Variants in UBE2O observed in about 807,000 individuals in gnomAD.
UBE2O encodes (E3-independent) E2 ubiquitin-conjugating enzyme.
In UBE2O, 15 loss-of-function variants were observed where a neutral mutation model predicts 125.8. That is an observed-to-expected ratio of 0.12 (90% confidence interval 0.08 to 0.18). The LOEUF is 0.18. UBE2O is among the 10% of genes least tolerant of loss of function. The pLI is 1.00. For missense variants in UBE2O, 1,280 were observed against 1,723.6 expected (o/e 0.74, Z 4.56); for synonymous variants, 708 against 703.2 (o/e 1.01, Z -0.11).
chr17:76,447,876 T>C (rs1410652707), intron 1 of UBE2O, among the ~76,000 whole-genome samples: 1 of 152,200 alleles, frequency 6.6e-6, no homozygotes, highest in African/African-American at 2.4e-5. Flanking sequence ...GCTGGCTCTC[T>C]CTGACAGACA....
In UBE2O at chr17:76,399,673, G is replaced by C. The variant is rs779480785; in HGVS notation, c.1404C>G (p.Gly468=). 5.0e-6 allele frequency: 8 copies of C among 1,614,020 alleles called. No homozygotes were observed. The Admixed American group carries it at 1.3e-4, about 27-fold the overall frequency. ...EQLPPFLLKE[G]RDDRLHSAEQ... ...CTGCCGAGTGCAGCCTGTCATCTCT[G>C]CCTTCTTTTAGCAGGAATGGGGGCA... The change falls in exon 9 of 18, where the codon GGC becomes GGG. Residue 468 remains glycine (G), a synonymous_variant. Coordinates refer to ENST00000319380, the MANE Select transcript of UBE2O (RefSeq NM_022066.4). This position sits in a 1 kb window ranked among gnomAD's most constrained non-coding sequence, Gnocchi z 6.9.
chr17:76,441,811 A>T (rs2073078643), intron 1 of UBE2O, among the ~76,000 whole-genome samples: 1 of 152,214 alleles, frequency 6.6e-6, no homozygotes, highest in African/African-American at 2.4e-5. Context: ...AGGGGTGGTT[A>T]TATCTACTTT....
intron 1 of UBE2O, among the ~76,000 whole-genome samples, chr17:76,407,151 C>T (rs764893079): frequency 6.6e-6 from 1 of 152,140 alleles, no homozygotes; most frequent in African/African-American, 2.4e-5. Context: ...ACCAAGGCAG[C>T]GGACCGCAGG....
intron 15 of UBE2O, among the ~76,000 whole-genome samples, chr17:76,393,047 C>A (rs1340578368): frequency 2.6e-5 from 4 of 151,780 alleles, no homozygotes; most frequent in African/African-American, 9.7e-5. Context: ...CTGCTTGAGG[C>A]CAGGAGGTCA....
chr17:76,423,140 G>A (rs1362584477), intron 1 of UBE2O, among the ~76,000 whole-genome samples: 1 of 152,152 alleles, frequency 6.6e-6, no homozygotes, highest in African/African-American at 2.4e-5. Context: ...CAGGAACTAC[G>A]GCTGAAGAGC....
rs1366074637 is a variant in UBE2O, at chr17:76,391,725, T to C, written c.3208+31A>G. Reference sequence around the variant, plus strand: ...TCACTTTCCTCCACCGGCCCTCCCTTGTCCGCACCCCCGCTTCAGCCCAAC... The same window carrying C: ...TCACTTTCCTCCACCGGCCCTCCCTCGTCCGCACCCCCGCTTCAGCCCAAC... On this transcript the variant is annotated intron_variant, in intron 17 of 17. Coordinates refer to ENST00000319380, the MANE Select transcript of UBE2O (RefSeq NM_022066.4). This position sits in a 1 kb window ranked among gnomAD's most constrained non-coding sequence, Gnocchi z 8.4. 6 of 1,613,094 alleles carry C rather than the reference T, an allele frequency of 3.7e-6. No individual in the cohort carries two copies. The highest frequency in any genetic ancestry group is 5.1e-6 in the Non-Finnish European group (6 of 1,179,582).
At chr17:76,441,733 A>C (rs1280709307) in intron 1 of UBE2O, among the ~76,000 whole-genome samples, 1 of 152,186 alleles carries the variant, frequency 6.6e-6, no homozygotes, top group East Asian at 1.9e-4. Context: ...TTCACCTTGG[A>C]AAAGTGCTGG....
chr17:76,448,984 C>T (rs545418917), intron 1 of UBE2O, among the ~76,000 whole-genome samples: 1 of 152,356 alleles, frequency 6.6e-6, no homozygotes, highest in Non-Finnish European at 1.5e-5. Context: ...AGACACTGGC[C>T]ACTAGCTCCT....
chr17:76,434,773 GC>G (rs1410934744), intron 1 of UBE2O, among the ~76,000 whole-genome samples: 1 of 142,672 alleles, frequency 7.0e-6, no homozygotes, highest in African/African-American at 2.7e-5. Context: ...TTTCACTTAA[GC>G]TTTTTTTTTT....
At chr17:76,416,093 A>C (rs372651010) in intron 1 of UBE2O, among the ~76,000 whole-genome samples, 1 of 151,482 alleles carries the variant, frequency 6.6e-6, no homozygotes, top group Non-Finnish European at 1.5e-5. Context: ...ATGTACATAC[A>C]TGTATATGCG....
chr17:76,422,238 G>A (rs2072723581), intron 1 of UBE2O, among the ~76,000 whole-genome samples: 1 of 152,160 alleles, frequency 6.6e-6, no homozygotes, highest in Non-Finnish European at 1.5e-5. Context: ...GTCCTGAAAG[G>A]GAAGATGATG....
chr17:76,397,744 C>T (rs375519843), intron 13 of UBE2O, 55 bp downstream of exon 13: 373 of 1,566,898 alleles, frequency 2.4e-4, no homozygotes, highest in Middle Eastern at 2.0e-3. Context: ...CTGTGGCCCC[C>T]GGCCCAAGTT....
intron 1 of UBE2O, among the ~76,000 whole-genome samples, chr17:76,415,242 C>T (rs1466343581): frequency 1.3e-5 from 2 of 152,162 alleles, no homozygotes; most frequent in Admixed American, 6.5e-5. Context: ...GCTAATCACA[C>T]AAACTGATCC....
rs1226254933 is a variant in UBE2O at position 76,399,410 on chromosome 17, C to A, written c.1628+39G>T. 6.3e-7 allele frequency: 1 copy of A among 1,588,092 alleles called. No individual in the cohort carries two copies. Among genetic ancestry groups the A allele is most frequent in the Middle Eastern group, 1.7e-4 (1 of 5,954 alleles). ...GGGACGCGCACTCTGCCTGGCTTCACGCTGACGCCATTGGGGAGGGGCACA... is the reference window on the plus strand; with the variant it reads ...GGGACGCGCACTCTGCCTGGCTTCAAGCTGACGCCATTGGGGAGGGGCACA... On this transcript the variant is annotated intron_variant, in intron 9 of 17. Transcript: ENST00000319380. The surrounding 1 kb of genome is among the most constrained non-coding windows in gnomAD (Gnocchi z 6.9).
chr17:76,435,383 T>C (rs12165049), intron 1 of UBE2O, among the ~76,000 whole-genome samples: 9,586 of 149,928 alleles, frequency 0.064, 371 homozygotes, highest in South Asian at 0.13. Flanking sequence ...GCATATATTA[T>C]CTGTTTAAAT....
Position 76,391,153 on chromosome 17 carries a change from T to A in UBE2O, c.3669A>T (p.Ala1223=), listed in dbSNP as rs1328323990. 1 of 1,613,630 alleles carries A rather than the reference T, an allele frequency of 6.2e-7. No individual in the cohort carries two copies. The highest frequency in any genetic ancestry group is 8.5e-7 in the Non-Finnish European group (1 of 1,179,840). The change falls in exon 18 of 18, where the codon GCA becomes GCT. Residue 1223 remains alanine (A), a synonymous_variant. Transcript: ENST00000319380. The surrounding 1 kb of genome is among the most constrained non-coding windows in gnomAD (Gnocchi z 8.4). ...CACTGGGTGGCACCGATGCGTCTGG[T>A]GCGGTCTCCGAAGTCTGGTCTGTGT... ...RDHTDQTSET[A]PDASVPPSVK... is the part of the protein sequence containing the mutation.
rs1041746131 is a variant in UBE2O, at chr17:76,404,714, CAG to C, written c.588+490_588+491del. ...GGTGTGTGTATTCCGGGGTGGGTGA[CAG>C]GGCATCACATCTATAGCTTGCTGTC... On this transcript the variant is annotated intron_variant, in intron 3 of 17. Transcript: ENST00000319380. The surrounding 1 kb of genome is among the most constrained non-coding windows in gnomAD (Gnocchi z 4.3). 5.3e-5 allele frequency among the ~76,000 whole-genome samples: 8 copies of C among 151,694 alleles called. No individual in the cohort carries two copies. The highest frequency in any genetic ancestry group is 1.9e-4 in the African/African-American group (8 of 41,208).
rs1438118527 is a variant in UBE2O at position 76,452,965 on chromosome 17, C to T, written c.177G>A (p.Leu59=). 11 of 1,495,470 alleles carry T rather than the reference C, an allele frequency of 7.4e-6. No individual in the cohort carries two copies. Among genetic ancestry groups the T allele is most frequent in the Non-Finnish European group, 5.3e-6 (6 of 1,122,402 alleles). 92.6% of individuals were successfully genotyped at this position (1,495,470 alleles called of 1,614,324 possible). Residue 59 remains leucine (L), a synonymous_variant, in exon 1 of 18, where the codon CTG becomes CTA. Coordinates refer to ENST00000319380, the MANE Select transcript of UBE2O (RefSeq NM_022066.4). The surrounding 1 kb of genome is among the most constrained non-coding windows in gnomAD (Gnocchi z 4.4). ...CCGACACCAGGTCGTGAGAAAACAG[C>T]AGGCGCTGCGAGCCGGCTTCTGGGC... is the stretch of plus-strand genomic sequence containing the variant. ...DSGPEAGSQR[L]LFSHDLVSGR...
chr17:76,419,123 A>ATAT (rs1555607901), intron 1 of UBE2O, among the ~76,000 whole-genome samples: 2 of 145,790 alleles, frequency 1.4e-5, no homozygotes, highest in East Asian at 4.0e-4. Flanking sequence ...ATCTCTACAG[A>ATAT]TTTTTTTTTT....
Sources: gnomAD v4.1 joint callset for allele counts (sites outside exome capture counted in the v4.1 genomes callset) on GRCh38, gnomAD v4.1.1 for gene constraint, Gnocchi (gnomAD v3.1) non-coding constraint, MANE v1.5 for transcripts, NCBI Gene and HGNC (gene_info 2026-07-23, HGNC 2026-07-21) for gene names.